B3GLCT: variants seen among roughly 807,000 people sequenced by gnomAD.
B3GLCT encodes the protein beta-1,3-glucosyltransferase.
A neutral mutation model predicts 63.4 loss-of-function variants in B3GLCT; 65 were observed. That is an observed-to-expected ratio of 1.03 (90% confidence interval 0.84 to 1.26). The LOEUF is 1.26. B3GLCT is among the 50% of genes most tolerant of loss of function. The pLI, the probability that B3GLCT is intolerant of heterozygous loss-of-function variation, is 0.00. For synonymous variants in B3GLCT, 233 were observed against 219.2 expected, an observed-to-expected ratio of 1.06 and a Z score of -0.55; for missense variants, 577 against 604.8, an observed-to-expected ratio of 0.95 and a Z score of 0.48.
At chr13:31,202,190 G>C (rs1416810624) in intron 1 of B3GLCT, among the ~76,000 whole-genome samples, 1 of 152,152 alleles carries the variant, frequency 6.6e-6, no homozygotes, top group Non-Finnish European at 1.5e-5. Context: ...ATATAGTTTA[G>C]TTTCCCCACA....
intron 14 of B3GLCT, among the ~76,000 whole-genome samples, chr13:31,328,382 AAATT>A (rs1875738133): frequency 6.6e-6 from 1 of 152,142 alleles, no homozygotes; most frequent in East Asian, 1.9e-4. Flanking sequence ...TGGCCCATAT[AAATT>A]AATAAACAAA....
chr13:31,229,142 T>G (rs766674650), intron 3 of B3GLCT, 43 bp from the exon 4 acceptor site: 1 of 1,278,136 alleles, frequency 7.8e-7, no homozygotes, highest in South Asian at 1.3e-5. Context: ...TTTTAATAAT[T>G]TTGTAAAAAG....
intron 12 of B3GLCT, among the ~76,000 whole-genome samples, chr13:31,305,359 A>G (rs1423291765): frequency 2.6e-5 from 3 of 114,408 alleles, no homozygotes; most frequent in African/African-American, 9.1e-5. Context: ...AGAGACACAA[A>G]AAACCCTTCA....
At chr13:31,222,412 G>C (rs531605364) in intron 2 of B3GLCT, among the ~76,000 whole-genome samples, 1 of 152,134 alleles carries the variant, frequency 6.6e-6, no homozygotes, top group Non-Finnish European at 1.5e-5. Context: ...CCATAGGCTG[G>C]CCTCTGAGGC....
intron 13 of B3GLCT, among the ~76,000 whole-genome samples, chr13:31,320,002 A>G (rs1444161763): frequency 2.6e-5 from 4 of 151,994 alleles, no homozygotes; most frequent in Non-Finnish European, 5.9e-5. Flanking sequence ...TCTTCCATCA[A>G]TACTTCTCTC....
chr13:31,315,301 G>A (rs1874939680), intron 12 of B3GLCT, among the ~76,000 whole-genome samples: 1 of 152,182 alleles, frequency 6.6e-6, no homozygotes, highest in Non-Finnish European at 1.5e-5. Context: ...TTGTAGAATA[G>A]TTTTGACCAA....
chr13:31,308,370 A>AAAAAC (rs1223043331), intron 12 of B3GLCT, among the ~76,000 whole-genome samples: 1 of 142,936 alleles, frequency 7.0e-6, no homozygotes, highest in Non-Finnish European at 1.5e-5. Flanking sequence ...ACAAAAAAAA[A>AAAAAC]AGCTAGTCCC....
At chr13:31,323,986 G>A (rs375182950) in intron 14 of B3GLCT, 91 bp downstream of exon 14, 17 of 1,488,886 alleles carry the variant, frequency 1.1e-5, no homozygotes, top group African/African-American at 2.8e-5. Context: ...TCACATATTC[G>A]GGAAACAGAC....
At chr13:31,310,822 C>T (rs577661193) in intron 12 of B3GLCT, among the ~76,000 whole-genome samples, 1 of 152,364 alleles carries the variant, frequency 6.6e-6, no homozygotes, top group South Asian at 2.1e-4. Context: ...TCAGGCTCTG[C>T]TGCATCCCCC....
chr13:31,216,329 C>T (rs141168593), intron 2 of B3GLCT, among the ~76,000 whole-genome samples: 99 of 152,326 alleles, frequency 6.5e-4, no homozygotes, highest in African/African-American at 2.4e-3. Context: ...CCATTTACAA[C>T]AGAGAAAACT....
chr13:31,273,431 A>T lies in B3GLCT; in HGVS notation c.661-1078A>T, dbSNP rs78061316. 2.0e-5 allele frequency among the ~76,000 whole-genome samples: 3 copies of T among 152,318 alleles called. No homozygotes were observed. In the East Asian group the frequency reaches 5.8e-4, roughly 29 times the overall value. ...CAAATGTGCTTACTTGTTTTGTGTAATCTTTTCAAAATAATTTTTTCTCAC... is the reference window on the plus strand; with the variant it reads ...CAAATGTGCTTACTTGTTTTGTGTATTCTTTTCAAAATAATTTTTTCTCAC... On this transcript the variant is annotated intron_variant, in intron 8 of 14. Coordinates refer to ENST00000343307, the MANE Select transcript of B3GLCT (RefSeq NM_194318.4).
intron 12 of B3GLCT, among the ~76,000 whole-genome samples, chr13:31,302,423 A>T (rs1874269610): frequency 6.8e-6 from 1 of 148,088 alleles, no homozygotes; most frequent in Non-Finnish European, 1.5e-5. Flanking sequence ...TACCGGGTTC[A>T]TCTCACTAGG....
chr13:31,203,605 A>G (rs1868792804), intron 1 of B3GLCT, among the ~76,000 whole-genome samples: 1 of 152,254 alleles, frequency 6.6e-6, no homozygotes, highest in Admixed American at 6.5e-5. Context: ...GCAAGCAAGC[A>G]TAATTTTTAG....
chr13:31,279,646 A>G (rs893724507), intron 10 of B3GLCT, among the ~76,000 whole-genome samples: 2 of 152,252 alleles, frequency 1.3e-5, no homozygotes, highest in Non-Finnish European at 2.9e-5. Context: ...CGAAATTAAA[A>G]TTGCTAATGA....
At position 31,317,682 on chromosome 13, in the gene B3GLCT, G is replaced by GAGGGTA; in HGVS notation, c.1183_1184+4dup. ...GGCTACAGCTACATCACGGGAGGAG[G>GAGGGTA]AGGGTAACTATGATCACAGCTTTCT... is the stretch of plus-strand genomic sequence containing the variant. On this transcript the variant is annotated stop_gained and inframe_insertion, in exon 13 of 15. Coordinates refer to ENST00000343307, the MANE Select transcript of B3GLCT (RefSeq NM_194318.4). LOFTEE classifies it high-confidence loss of function. 1.2e-6 allele frequency: 2 copies of GAGGGTA among 1,613,982 alleles called. No homozygotes were observed. The highest frequency in any genetic ancestry group is 1.7e-4 in the Middle Eastern group (1 of 6,060).
chr13:31,272,843 T>G (rs1223258468), intron 8 of B3GLCT, among the ~76,000 whole-genome samples: 4 of 152,208 alleles, frequency 2.6e-5, no homozygotes, highest in Non-Finnish European at 5.9e-5. Flanking sequence ...TCATCATATA[T>G]TTGCCATTGT....
At chr13:31,247,573 C>T (rs1871252752) in intron 5 of B3GLCT, among the ~76,000 whole-genome samples, 1 of 152,160 alleles carries the variant, frequency 6.6e-6, no homozygotes, top group South Asian at 2.1e-4. Flanking sequence ...ACACCCTGCC[C>T]TATATATGCT....
intron 6 of B3GLCT, among the ~76,000 whole-genome samples, chr13:31,257,897 T>C (rs1871819466): frequency 6.6e-6 from 1 of 152,166 alleles, no homozygotes. Flanking sequence ...GTACTGGAGA[T>C]ATAGCAGTGA....
At chr13:31,224,483 A>G (rs1869989063) in intron 3 of B3GLCT, among the ~76,000 whole-genome samples, 1 of 152,006 alleles carries the variant, frequency 6.6e-6, no homozygotes, top group Non-Finnish European at 1.5e-5. Flanking sequence ...GACCCAGGGG[A>G]CTTCTTTGTC....
Sources: allele counts gnomAD v4.1 joint callset (sites outside exome capture counted in the v4.1 genomes callset), GRCh38; gene constraint gnomAD v4.1.1; transcripts MANE v1.5; gene names NCBI Gene and HGNC (gene_info 2026-07-23, HGNC 2026-07-21).